ANK3: variants seen among roughly 807,000 people sequenced by gnomAD.
The protein encoded by ANK3 is ankyrin 3.
A neutral mutation model predicts 370.9 loss-of-function variants in ANK3; 57 were observed. The ratio of observed to expected loss-of-function variants is 0.15; its 90% confidence interval spans 0.12 to 0.19. The LOEUF is 0.19. ANK3 is among the 10% of genes least tolerant of loss of function. ANK3 has a pLI of 1.00. For synonymous variants in ANK3, 1,929 were observed against 1,946.3 expected, an observed-to-expected ratio of 0.99 and a Z score of 0.23; for missense variants, 4,439 against 5,302.1, an observed-to-expected ratio of 0.84 and a Z score of 5.06.
rs376027961 is a variant in ANK3 at position 60,075,250 on chromosome 10, C to T, written c.5631G>A (p.Lys1877=). 1.4e-5 allele frequency: 23 copies of T among 1,614,026 alleles called. No individual in the cohort carries two copies. Among genetic ancestry groups the T allele is most frequent in the Non-Finnish European group, 1.9e-5 (23 of 1,180,028 alleles). The change falls in exon 37 of 44, where the codon AAG becomes AAA. Residue 1877 remains lysine (K), a synonymous_variant. Coordinates refer to ENST00000280772, the MANE Select transcript of ANK3 (RefSeq NM_020987.5). ...CAGAGGGTGCAAGGAACAAAGATGA[C>T]TTAACTGGAGATGAAGTTCGACTGA... ...PHFSRTSSPV[K]SSLFLAPSAL...
intron 1 of ANK3, among the ~76,000 whole-genome samples, chr10:60,280,570 T>C (rs2098146306): frequency 6.6e-6 from 1 of 152,156 alleles, no homozygotes; most frequent in African/African-American, 2.4e-5. Context: ...TGAAACCACC[T>C]ACTATTGAAA....
At chr10:60,398,236 T>C (rs1425368214) in intron 2 of ANK3, among the ~76,000 whole-genome samples, 5 of 152,234 alleles carry the variant, frequency 3.3e-5, no homozygotes, top group Admixed American at 3.3e-4. Flanking sequence ...AATTTCTTTC[T>C]AACCATTTAA....
chr10:60,498,956 A>G (rs902637800), intron 2 of ANK3, among the ~76,000 whole-genome samples: 1 of 152,256 alleles, frequency 6.6e-6, no homozygotes, highest in Non-Finnish European at 1.5e-5. Context: ...TGTCACATCA[A>G]GCAATTAATT....
chr10:60,072,576 T>C lies in ANK3; in HGVS notation c.8305A>G (p.Lys2769Glu), dbSNP rs767495801. 10 of 1,613,544 alleles carry C rather than the reference T, an allele frequency of 6.2e-6. No homozygotes were observed. The highest frequency in any genetic ancestry group is 7.6e-6 in the Non-Finnish European group (9 of 1,179,878). ...CTTTCATCTGGGAGGTCTATGGCCT[T>C]CTGCTGTTTTTCTCTAGCAAAAACT... ...YQVFAREKQQ[K>E]AIDLPDESVS... Residue 2769 changes from lysine to glutamate, a missense_variant, in exon 37 of 44, where the codon AAG (lysine) becomes GAG (glutamate). Coordinates refer to ENST00000280772, the MANE Select transcript of ANK3 (RefSeq NM_020987.5).
At position 60,242,045 on chromosome 10, in the gene ANK3, T is replaced by C. The variant is rs115449542; in HGVS notation, c.799-7259A>G. 3.4e-3 allele frequency among the ~76,000 whole-genome samples: 513 copies of C among 152,348 alleles called. 5 individuals are homozygous for C. The highest frequency in any genetic ancestry group is 0.017 in the Middle Eastern group (5 of 294). On this transcript the variant is annotated intron_variant, in intron 7 of 43. Transcript: ENST00000280772. ...TCTAATGTGTGGATTTTTGTTCTTATGTATAATACCATTTCTAGCCCTTTT... is the reference window on the plus strand; with the variant it reads ...TCTAATGTGTGGATTTTTGTTCTTACGTATAATACCATTTCTAGCCCTTTT...
At chr10:60,643,837 G>A (rs1334879716) in intron 1 of ANK3, among the ~76,000 whole-genome samples, 2 of 152,140 alleles carry the variant, frequency 1.3e-5, no homozygotes, top group Non-Finnish European at 2.9e-5. Flanking sequence ...TGTAACCCAG[G>A]ACCAGGAAAG....
At chr10:60,699,784 G>T (rs2079521700) in intron 1 of ANK3, among the ~76,000 whole-genome samples, 1 of 152,010 alleles carries the variant, frequency 6.6e-6, no homozygotes, top group Non-Finnish European at 1.5e-5. Context: ...GTCTTAAATT[G>T]TTACTTTATT....
intron 26 of ANK3, among the ~76,000 whole-genome samples, chr10:60,112,264 C>T (rs7904358): frequency 7.9e-5 from 12 of 151,584 alleles, no homozygotes; most frequent in African/African-American, 2.2e-4. Flanking sequence ...TGAAATATGG[C>T]GGCAATTCAT....
rs527941908 is a variant in ANK3, at chr10:60,550,766, T to C, written c.96+64420A>G. Among the ~76,000 whole-genome samples, 3 of 152,242 alleles carry C rather than the reference T, an allele frequency of 2.0e-5. No individual in the cohort carries two copies. The South Asian group carries it at 6.2e-4, about 32-fold the overall frequency. On this transcript the variant is annotated intron_variant, in intron 2 of 43. Coordinates refer to the ANK3 transcript ENST00000373827. ...AATATATCTTTGGAGAAGTCATTGCTATAATGAAGTGAATTTTACTTTGCG... is the reference window on the plus strand; with the variant it reads ...AATATATCTTTGGAGAAGTCATTGCCATAATGAAGTGAATTTTACTTTGCG...
chr10:60,477,588 A>T (rs1246547907), intron 2 of ANK3, among the ~76,000 whole-genome samples: 1 of 151,642 alleles, frequency 6.6e-6, no homozygotes, highest in Non-Finnish European at 1.5e-5. Context: ...AGTGGAAAAC[A>T]AAGTGTTACA....
chr10:60,639,292 A>G (rs2078597048), intron 1 of ANK3, among the ~76,000 whole-genome samples: 1 of 151,542 alleles, frequency 6.6e-6, no homozygotes, highest in South Asian at 2.1e-4. Flanking sequence ...AAAAATGAAG[A>G]TGAAATAAAA....
At chr10:60,466,188 A>C (rs1297466259) in intron 2 of ANK3, among the ~76,000 whole-genome samples, 2 of 152,186 alleles carry the variant, frequency 1.3e-5, no homozygotes, top group Non-Finnish European at 1.5e-5. Flanking sequence ...AGGGCCTTTG[A>C]TAAAGAGGGC....
intron 1 of ANK3, among the ~76,000 whole-genome samples, chr10:60,335,499 T>C (rs1012026797): frequency 1.1e-4 from 16 of 152,084 alleles, no homozygotes; most frequent in Admixed American, 1.0e-3. Flanking sequence ...TTTGGCAGGG[T>C]GAATGTGGCA....
At chr10:60,467,115 G>C (rs2065028116) in intron 2 of ANK3, among the ~76,000 whole-genome samples, 1 of 152,096 alleles carries the variant, frequency 6.6e-6, no homozygotes. Flanking sequence ...AGAAAATATG[G>C]AGAGTGAAAC....
intron 2 of ANK3, among the ~76,000 whole-genome samples, chr10:60,490,946 AC>A (rs1342790558): frequency 6.6e-6 from 1 of 152,212 alleles, no homozygotes; most frequent in East Asian, 1.9e-4. Flanking sequence ...ATTCTGCCTC[AC>A]ATGCTCAGGC....
chr10:60,055,959 G>T lies in ANK3; in HGVS notation c.12764C>A (p.Thr4255Lys), dbSNP rs748955659. The T allele has an allele frequency of 6.2e-7, 1 of 1,613,980 alleles. No individual in the cohort carries two copies. The highest frequency in any genetic ancestry group is 1.1e-5 in the South Asian group (1 of 91,074). ...TGTCTTTGCTTCTGGAGTGATTTCT[G>T]TATGGCTTCCATTTGCTTCAAATTT... ...AGKFEANGSH[T>K]EITPEAKTKS... The change falls in exon 42 of 44, where the codon ACA (threonine) becomes AAA (lysine). Residue 4255 changes from threonine to lysine, a missense_variant. Around this residue, in one of 13 missense-constraint regions of ANK3, gnomAD observed 242 missense variants for 228.0 expected, o/e 1.06. Transcript: ENST00000280772.
In ANK3 at chr10:60,625,340, T is replaced by G. The variant is rs74325403; in HGVS notation, c.58-10116A>C. Among the ~76,000 whole-genome samples, 408 of 152,286 alleles carry G rather than the reference T, an allele frequency of 2.7e-3. 1 individual carries two copies. The highest frequency in any genetic ancestry group is 9.4e-3 in the African/African-American group (391 of 41,562). On this transcript the variant is annotated intron_variant, in intron 1 of 43. Coordinates refer to the ANK3 transcript ENST00000373827. ...TTGTTTAAGCCACTGTGCTTTGGGATAGTTTGTTATGTGGTAATAGACATT... is the reference window on the plus strand; with the variant it reads ...TTGTTTAAGCCACTGTGCTTTGGGAGAGTTTGTTATGTGGTAATAGACATT...
intron 2 of ANK3, among the ~76,000 whole-genome samples, chr10:60,398,353 A>C (rs966054858): frequency 6.6e-6 from 1 of 152,190 alleles, no homozygotes; most frequent in Non-Finnish European, 1.5e-5. Context: ...TGTTAATAAC[A>C]TATCATTCTG....
rs373949464 is a variant in ANK3, at chr10:60,417,123, C to T, written c.97-137484G>A. ...TCAGCAAACAGCAGGCAGGAAAGAA[C>T]TGCATTAACTGCACAGTGCTGAACT... On this transcript the variant is annotated intron_variant, in intron 2 of 43. Coordinates refer to the ANK3 transcript ENST00000373827. 1.2e-4 allele frequency among the ~76,000 whole-genome samples: 19 copies of T among 152,292 alleles called. No individual in the cohort carries two copies. The East Asian group carries it at 3.5e-3, about 28-fold the overall frequency.
Sources: gnomAD v4.1 joint callset for allele counts (sites outside exome capture counted in the v4.1 genomes callset) on GRCh38, gnomAD v4.1.1 for gene constraint, gnomAD v4.1.1 regional missense constraint, MANE v1.5 for transcripts, NCBI Gene and HGNC (gene_info 2026-07-23, HGNC 2026-07-21) for gene names.